The following GPC5 variants were observed in gnomAD, a reference collection of about 807,000 sequenced individuals.
GPC5 encodes the protein glypican-5.
GPC5 carries 47 observed loss-of-function variants against 53.9 expected under a neutral mutation model. That is an observed-to-expected ratio of 0.87 (90% confidence interval 0.69 to 1.11). The LOEUF (loss-of-function observed/expected upper bound fraction) is 1.11. Among genes scored for constraint, GPC5 ranks in the 50% most tolerant of loss-of-function variants. The probability of loss-of-function intolerance (pLI) is 0.00; values close to 1 mark genes in which losing one functional copy is unlikely to be tolerated. For synonymous variants in GPC5, 286 were observed against 263.3 expected, an observed-to-expected ratio of 1.09 and a Z score of -0.84; for missense variants, 748 against 713.1, an observed-to-expected ratio of 1.05 and a Z score of -0.56.
At chr13:92,408,005 G>T (rs1039355461) in intron 7 of GPC5, among the ~76,000 whole-genome samples, 1 of 152,176 alleles carries the variant, frequency 6.6e-6, no homozygotes, top group Admixed American at 6.5e-5. Flanking sequence ...AGCCATGGCC[G>T]CCAAGTGGAA....
At chr13:92,855,956 C>G (rs189510341) in intron 7 of GPC5, among the ~76,000 whole-genome samples, 2 of 152,140 alleles carry the variant, frequency 1.3e-5, no homozygotes, top group East Asian at 3.9e-4. Context: ...ACCAGTCCCC[C>G]TGAAACTATT....
At chr13:92,056,093 T>C in intron 6 of GPC5, among the ~76,000 whole-genome samples, 1 of 152,184 alleles carries the variant, frequency 6.6e-6, no homozygotes, top group East Asian at 1.9e-4. Context: ...AGTGGCTTAA[T>C]ATATTATCTT....
intron 7 of GPC5, among the ~76,000 whole-genome samples, chr13:92,416,907 A>G (rs897723917): frequency 1.3e-5 from 2 of 152,212 alleles, no homozygotes; most frequent in Admixed American, 6.5e-5. Flanking sequence ...AAATGTATTT[A>G]CATACAGATG....
In GPC5 at chr13:92,230,546, G is replaced by C. The variant is rs72636856; in HGVS notation, c.1561+85557G>C. Among the ~76,000 whole-genome samples the C allele has an allele frequency of 3.4e-3, 523 of 152,226 alleles. 1 individual carries two copies. The highest frequency in any genetic ancestry group is 0.01 in the Middle Eastern group (3 of 294). ...TTTAATACTGAGATTTCTGCAATCT[G>C]TGATAATCTTTTCCTTATTTTCTCT... is the stretch of plus-strand genomic sequence containing the variant. On this transcript the variant is annotated intron_variant, in intron 7 of 7. Coordinates refer to ENST00000377067, the MANE Select transcript of GPC5 (RefSeq NM_004466.6).
chr13:91,578,828 T>C (rs1415385938), intron 2 of GPC5, among the ~76,000 whole-genome samples: 1 of 152,018 alleles, frequency 6.6e-6, no homozygotes, highest in African/African-American at 2.4e-5. Flanking sequence ...GGTGGATTGC[T>C]TGAGCTCAGG....
At chr13:92,845,517 C>T (rs974089806) in intron 7 of GPC5, among the ~76,000 whole-genome samples, 1 of 152,248 alleles carries the variant, frequency 6.6e-6, no homozygotes, top group African/African-American at 2.4e-5. Flanking sequence ...CCTTTTTGTT[C>T]TATTTAGGAC....
At position 91,416,155 on chromosome 13, in the gene GPC5, C is replaced by G. The variant is rs567867984; in HGVS notation, c.163+16946C>G. 2.6e-5 allele frequency among the ~76,000 whole-genome samples: 4 copies of G among 152,086 alleles called. No individual in the cohort carries two copies. In the South Asian group the frequency reaches 8.3e-4, roughly 31 times the overall value. ...TACCTTGAGGAGGGAGGCAAGAGTC[C>G]ATGTACAGTATAGGGCTGCCCATTC... On this transcript the variant is annotated intron_variant, in intron 1 of 7. Coordinates refer to ENST00000377067, the MANE Select transcript of GPC5 (RefSeq NM_004466.6).
chr13:92,372,648 T>C (rs190533505), intron 7 of GPC5, among the ~76,000 whole-genome samples: 1 of 152,358 alleles, frequency 6.6e-6, no homozygotes, highest in Admixed American at 6.5e-5. Flanking sequence ...GCCAAATATG[T>C]GACCACAACC....
intron 7 of GPC5, among the ~76,000 whole-genome samples, chr13:92,183,286 GC>G (rs1442620532): frequency 6.6e-6 from 1 of 152,184 alleles, no homozygotes; most frequent in East Asian, 1.9e-4. Flanking sequence ...CGAAGTATAA[GC>G]TTTTTCCTCT....
chr13:91,986,390 A>T (rs1428630499), intron 6 of GPC5, among the ~76,000 whole-genome samples: 1 of 152,088 alleles, frequency 6.6e-6, no homozygotes, highest in African/African-American at 2.4e-5. Context: ...ATTATTTTCT[A>T]CTTTTTAAAC....
intron 7 of GPC5, among the ~76,000 whole-genome samples, chr13:92,401,522 A>G (rs1875559976): frequency 6.6e-6 from 1 of 152,178 alleles, no homozygotes; most frequent in African/African-American, 2.4e-5. Flanking sequence ...TAAAATTCGT[A>G]AAAATAGAAA....
chr13:92,348,772 T>C (rs1284508888), intron 7 of GPC5, among the ~76,000 whole-genome samples: 1 of 152,056 alleles, frequency 6.6e-6, no homozygotes, highest in Non-Finnish European at 1.5e-5. Context: ...AATGAGGAAT[T>C]TCAAAAAACT....
chr13:92,256,829 T>G (rs558113529), intron 7 of GPC5, among the ~76,000 whole-genome samples: 1 of 152,156 alleles, frequency 6.6e-6, no homozygotes, highest in Non-Finnish European at 1.5e-5. Flanking sequence ...AAGTTTGCTT[T>G]GTTTGACCTT....
chr13:91,771,279 A>G (rs951232595), intron 5 of GPC5, among the ~76,000 whole-genome samples: 2 of 152,206 alleles, frequency 1.3e-5, no homozygotes, highest in East Asian at 3.8e-4. Flanking sequence ...TTTCACTTAT[A>G]TTTGCAAAGA....
chr13:92,428,700 G>T (rs937805327), intron 7 of GPC5, among the ~76,000 whole-genome samples: 1 of 152,066 alleles, frequency 6.6e-6, no homozygotes, highest in African/African-American at 2.4e-5. Context: ...ATTTTCCACA[G>T]GAAAATTCAT....
intron 6 of GPC5, among the ~76,000 whole-genome samples, chr13:91,937,871 A>G (rs566252219): frequency 1.3e-5 from 2 of 152,066 alleles, no homozygotes; most frequent in East Asian, 1.9e-4. Context: ...ATTTTCCTGT[A>G]TGAGAAGTGA....
At chr13:91,580,499 C>T (rs1236771013) in intron 2 of GPC5, among the ~76,000 whole-genome samples, 1 of 152,014 alleles carries the variant, frequency 6.6e-6, no homozygotes, top group Admixed American at 6.6e-5. Context: ...CTTTAGCTTT[C>T]CCACCTGAGA....
intron 7 of GPC5, among the ~76,000 whole-genome samples, chr13:92,750,031 T>C (rs997301006): frequency 2.0e-5 from 3 of 152,152 alleles, no homozygotes; most frequent in Non-Finnish European, 2.9e-5. Context: ...GACTGAATAT[T>C]TTTCCAGTTC....
chr13:92,258,710 C>T (rs1305934861), intron 7 of GPC5, among the ~76,000 whole-genome samples: 1 of 152,164 alleles, frequency 6.6e-6, no homozygotes, highest in South Asian at 2.1e-4. Context: ...CACATACACA[C>T]AGACACACAC....
Sources: allele counts gnomAD v4.1 joint callset (sites outside exome capture counted in the v4.1 genomes callset), GRCh38; gene constraint gnomAD v4.1.1; transcripts MANE v1.5; gene names NCBI Gene and HGNC (gene_info 2026-07-23, HGNC 2026-07-21).